The following GDPD4 variants were observed in gnomAD, a reference collection of about 807,000 sequenced individuals.
GDPD4 encodes the protein glycerophosphodiester phosphodiesterase 6.
A neutral mutation model predicts 67.8 loss-of-function variants in GDPD4; 60 were observed. That is an observed-to-expected ratio of 0.88 (90% confidence interval 0.72 to 1.10). The LOEUF (loss-of-function observed/expected upper bound fraction) is 1.10, where lower values mean the gene tolerates loss of function less well. Ranked by LOEUF, GDPD4 falls within the 50% of genes least tolerant of loss-of-function variation. GDPD4 has a pLI of 0.00. For missense variants in GDPD4, 623 were observed against 613.9 expected, an observed-to-expected ratio of 1.01 and a Z score of -0.16; for synonymous variants, 212 against 210.9, an observed-to-expected ratio of 1.00 and a Z score of -0.04.
intron 1 of GDPD4, among the ~76,000 whole-genome samples, chr11:77,299,792 G>T (rs1938099287): frequency 6.6e-6 from 1 of 152,190 alleles, no homozygotes; most frequent in South Asian, 2.1e-4. Flanking sequence ...TCACCTCATG[G>T]TGGTTGGTCA....
intron 2 of GDPD4, among the ~76,000 whole-genome samples, chr11:77,286,101 C>T (rs777021420): frequency 2.0e-5 from 3 of 152,162 alleles, no homozygotes; most frequent in Non-Finnish European, 4.4e-5. Context: ...TTTCCCCTCA[C>T]TTCTTCACAT....
chr11:77,221,638 T>A (rs2135817774), intron 16 of GDPD4, among the ~76,000 whole-genome samples: 1 of 152,214 alleles, frequency 6.6e-6, no homozygotes, highest in South Asian at 2.1e-4. Context: ...TGCTGAGGAG[T>A]GCTTTACTTC....
intron 1 of GDPD4, among the ~76,000 whole-genome samples, chr11:77,298,619 A>C (rs1182548894): frequency 6.6e-6 from 1 of 152,214 alleles, no homozygotes; most frequent in Non-Finnish European, 1.5e-5. Context: ...ACTTGTTTTG[A>C]AGTCTTATAG....
intron 11 of GDPD4, among the ~76,000 whole-genome samples, chr11:77,253,720 C>T (rs1565524402): frequency 6.6e-6 from 1 of 152,250 alleles, no homozygotes; most frequent in East Asian, 1.9e-4. Context: ...TTCTGAGCAG[C>T]CCAGGCACCA....
chr11:77,229,039 C>A (rs1016595967), intron 15 of GDPD4, 111 bp downstream of exon 15: 1 of 574,376 alleles, frequency 1.7e-6, no homozygotes, highest in Non-Finnish European at 3.1e-6. Context: ...ATTATAAACG[C>A]CATCTTGCCA....
intron 1 of GDPD4, among the ~76,000 whole-genome samples, chr11:77,299,903 A>G (rs941950467): frequency 6.6e-6 from 1 of 152,228 alleles, no homozygotes; most frequent in Non-Finnish European, 1.5e-5. Flanking sequence ...CTATATGACA[A>G]GCAAAGTAAA....
intron 16 of GDPD4, among the ~76,000 whole-genome samples, chr11:77,218,344 T>C (rs1381061759): frequency 6.6e-6 from 1 of 152,192 alleles, no homozygotes; most frequent in African/African-American, 2.4e-5. Context: ...ATCTAAGGGA[T>C]ATATACCAGA....
chr11:77,264,469 G>T (rs1959168538), intron 10 of GDPD4, among the ~76,000 whole-genome samples: 1 of 152,092 alleles, frequency 6.6e-6, no homozygotes, highest in Non-Finnish European at 1.5e-5. Context: ...GAAGGAGCCA[G>T]CAAAAGAAGT....
At chr11:77,242,208 T>A (rs1958681021) in intron 13 of GDPD4, among the ~76,000 whole-genome samples, 1 of 152,210 alleles carries the variant, frequency 6.6e-6, no homozygotes, top group South Asian at 2.1e-4. Flanking sequence ...ATATGATATA[T>A]GTTAATTAGC....
chr11:77,243,816 G>GT lies in GDPD4; in HGVS notation c.1118dup (p.Tyr373Ter). The GT allele has an allele frequency of 6.2e-7, 1 of 1,613,688 alleles. No individual in the cohort carries two copies. ...GAAAACCAGGAGCCACGGACCTGAC[G>GT]TATTGCCTATCATGAGCTGGCAACC... ...IFWLPAHDRQ[Y>*]VRSVAPGFQH... The change falls in exon 13 of 17, where the codon TAC (tyrosine) becomes TAAC (stop). Residue 373 changes from tyrosine to a stop codon, truncating the protein, a stop_gained and frameshift_variant. Coordinates refer to ENST00000315938, the MANE Select transcript of GDPD4 (RefSeq NM_182833.3). LOFTEE classifies it high-confidence loss of function.
At chr11:77,218,145 T>G (rs1028721040) in intron 16 of GDPD4, among the ~76,000 whole-genome samples, 3 of 152,064 alleles carry the variant, frequency 2.0e-5, no homozygotes, top group Non-Finnish European at 2.9e-5. Flanking sequence ...TTATTGGATT[T>G]GAATGGAATT....
chr11:77,268,387 C>A, intron 10 of GDPD4, 70 bp downstream of exon 10: 1 of 1,049,790 alleles, frequency 9.5e-7, no homozygotes, highest in Non-Finnish European at 1.5e-6. Flanking sequence ...AACCTCAGGC[C>A]AGGCTGGTTC....
intron 10 of GDPD4, 38 bp from the exon 11 acceptor site, chr11:77,258,580 G>C: frequency 5.6e-6 from 9 of 1,604,494 alleles, no homozygotes; most frequent in Non-Finnish European, 7.7e-6. Context: ...GGGGTAGATA[G>C]GCTGAATTTA....
At chr11:77,275,815 T>C (rs1959438392) in intron 5 of GDPD4, among the ~76,000 whole-genome samples, 1 of 152,102 alleles carries the variant, frequency 6.6e-6, no homozygotes, top group African/African-American at 2.4e-5. Flanking sequence ...ATCACTGAAA[T>C]GAGAGTATTC....
intron 11 of GDPD4, among the ~76,000 whole-genome samples, chr11:77,246,463 C>T (rs1958787697): frequency 6.6e-6 from 1 of 152,114 alleles, no homozygotes; most frequent in African/African-American, 2.4e-5. Context: ...TATAAATATA[C>T]AATTAGAGAC....
intron 7 of GDPD4, 59 bp downstream of exon 7, chr11:77,271,071 G>A (rs947095774): frequency 3.1e-5 from 36 of 1,157,056 alleles, no homozygotes; most frequent in African/African-American, 4.7e-5. Context: ...CCTGAGTGGA[G>A]TATGCAAGCT....
chr11:77,276,030 C>A (rs898906679), intron 5 of GDPD4, 131 bp downstream of exon 5: 1 of 656,308 alleles, frequency 1.5e-6, no homozygotes, highest in Non-Finnish European at 2.7e-6. Flanking sequence ...AAGTAAATCT[C>A]TTCTCTCCAA....
At chr11:77,230,767 C>T (rs1958439144) in intron 14 of GDPD4, among the ~76,000 whole-genome samples, 1 of 152,202 alleles carries the variant, frequency 6.6e-6, no homozygotes, top group Admixed American at 6.5e-5. Context: ...GGCCCCTACA[C>T]AACGTGACTT....
In GDPD4 at chr11:77,285,121, C is replaced by A; in HGVS notation, c.17G>T (p.Trp6Leu). 1 of 1,612,216 alleles carries A rather than the reference C, an allele frequency of 6.2e-7. No individual in the cohort carries two copies. Among genetic ancestry groups the A allele is most frequent in the East Asian group, 2.2e-5 (1 of 44,808 alleles). Residue 6 changes from tryptophan (W) to leucine (L), a missense_variant, in exon 3 of 17, where the codon TGG (tryptophan) becomes TTG (leucine). Coordinates refer to ENST00000315938, the MANE Select transcript of GDPD4 (RefSeq NM_182833.3). Reference protein sequence around the residue: MLLFLWIETSSEYFNF... With the variant: MLLFLLIETSSEYFNF... ...AAAGTATTCACTGGATGTTTCTATC[C>A]ACAGGAACAGCAACATCAGAGACAA...
Sources: gnomAD v4.1 joint callset for allele counts (sites outside exome capture counted in the v4.1 genomes callset) on GRCh38, gnomAD v4.1.1 for gene constraint, MANE v1.5 for transcripts, NCBI Gene and HGNC (gene_info 2026-07-23, HGNC 2026-07-21) for gene names.